Variants in IQSEC3 observed in about 807,000 individuals in gnomAD.
IQSEC3 encodes IQ motif and SEC7 domain-containing protein 3.
IQSEC3 carries 50 observed loss-of-function variants against 105.4 expected under a neutral mutation model. The ratio of observed to expected loss-of-function variants is 0.47; its 90% CI spans 0.38 to 0.60. The LOEUF (loss-of-function observed/expected upper bound fraction) is 0.60. IQSEC3 is among the 20% of genes least tolerant of loss of function. The pLI is 0.00. For missense variants in IQSEC3, 1,415 were observed against 1,630.0 expected (o/e 0.87, Z 2.27); for synonymous variants, 708 against 746.0 (o/e 0.95, Z 0.83).
chr12:88,143 A>C (rs1565386282), intron 1 of IQSEC3, among the ~76,000 whole-genome samples: 1 of 152,196 alleles, frequency 6.6e-6, no homozygotes, highest in Non-Finnish European at 1.5e-5. Context: ...TATTTTTTTC[A>C]AAATTAAACC....
intron 3 of IQSEC3, among the ~76,000 whole-genome samples, chr12:135,886 G>C (rs1290115098): frequency 6.6e-6 from 1 of 152,214 alleles, no homozygotes; most frequent in African/African-American, 2.4e-5. Flanking sequence ...TGATATCTTG[G>C]TTTCAGCCTG....
chr12:109,582 C>T (rs573168120), intron 2 of IQSEC3, among the ~76,000 whole-genome samples: 4 of 151,800 alleles, frequency 2.6e-5, no homozygotes, highest in Non-Finnish European at 4.4e-5. Flanking sequence ...CTCAGGCAGC[C>T]TGATCCTAAA....
Position 163,617 on chromosome 12 carries a change from G to A in IQSEC3, c.2707G>A (p.Val903Met). ...REVFLFNDLL[V>M]ILKLCPKKKS... is the part of the protein sequence containing the mutation. ...GGTGTTCCTCTTCAATGACCTGCTG[G>A]TGGTGAGTGGCCTCCGCTCCGGGAC... Residue 903 changes from valine to methionine, a missense_variant and splice_region_variant, in exon 9 of 14, where the codon GTG becomes ATG. Around this residue, in one of 6 missense-constraint regions of IQSEC3, gnomAD observed 419 missense variants for 436.2 expected, o/e 0.96. Coordinates refer to ENST00000538872, the MANE Select transcript of IQSEC3 (RefSeq NM_001170738.2). 1 of 1,462,624 alleles carries A rather than the reference G, an allele frequency of 6.8e-7. No individual in the cohort carries two copies. The highest frequency in any genetic ancestry group is 2.3e-5 in the East Asian group (1 of 44,126). 90.6% of individuals were successfully genotyped at this position (1,462,624 alleles called of 1,614,324 possible).
At chr12:136,688 A>T (rs1340517645) in intron 3 of IQSEC3, among the ~76,000 whole-genome samples, 2 of 152,110 alleles carry the variant, frequency 1.3e-5, no homozygotes, top group African/African-American at 4.8e-5. Context: ...TTCTTCGTTC[A>T]TTCGGGAAGG....
At chr12:72,227 G>C (rs1471757164) in intron 1 of IQSEC3, among the ~76,000 whole-genome samples, 2 of 152,074 alleles carry the variant, frequency 1.3e-5, no homozygotes, top group African/African-American at 2.4e-5. Context: ...AGTTGGTCCT[G>C]CTGATTCAGC....
intron 5 of IQSEC3, among the ~76,000 whole-genome samples, chr12:146,174 T>C (rs1555090973): frequency 6.6e-6 from 1 of 152,272 alleles, no homozygotes; most frequent in African/African-American, 2.4e-5. Context: ...TGGAAGGCTC[T>C]GGCCTTTCAT....
chr12:93,751 C>G (rs782196566), intron 1 of IQSEC3, among the ~76,000 whole-genome samples: 5 of 152,152 alleles, frequency 3.3e-5, no homozygotes, highest in Non-Finnish European at 7.3e-5. Flanking sequence ...GGGCCTAACT[C>G]GAGGTATCTG....
intron 3 of IQSEC3, among the ~76,000 whole-genome samples, chr12:133,888 G>A (rs371117335): frequency 6.6e-6 from 1 of 151,726 alleles, no homozygotes; most frequent in African/African-American, 2.4e-5. Context: ...CTAGGGCAGG[G>A]TTGGGTCAGT....
At chr12:91,184 G>T (rs535774651) in intron 1 of IQSEC3, among the ~76,000 whole-genome samples, 1 of 152,206 alleles carries the variant, frequency 6.6e-6, no homozygotes, top group Admixed American at 6.5e-5. Context: ...TCTCCTGCTG[G>T]GAGCACCTCC....
intron 7 of IQSEC3, among the ~76,000 whole-genome samples, chr12:159,773 C>T (rs546533247): frequency 1.3e-5 from 2 of 152,292 alleles, no homozygotes; most frequent in African/African-American, 2.4e-5. Flanking sequence ...TCATGTCCTC[C>T]GGTCATGGGA....
chr12:134,676 C>T lies in IQSEC3; in HGVS notation c.904-3591C>T, dbSNP rs181878564. Among the ~76,000 whole-genome samples the T allele has an allele frequency of 2.4e-4, 36 of 151,350 alleles. 1 individual carries two copies. Among genetic ancestry groups the T allele is most frequent in the Admixed American group, 1.4e-3 (22 of 15,208 alleles). ...TGGGAGGCCAAGGTGGGCGGATCAC[C>T]GAGGTGCCAGGAGTTCAGGTCCAGC... On this transcript the variant is annotated intron_variant, in intron 3 of 13. Transcript: ENST00000538872.
chr12:135,657 G>A (rs782367921), intron 3 of IQSEC3, among the ~76,000 whole-genome samples: 2 of 152,212 alleles, frequency 1.3e-5, no homozygotes, highest in Non-Finnish European at 2.9e-5. Context: ...AGCTAATCAG[G>A]TCAGCCCTAT....
intron 5 of IQSEC3, chr12:148,658 G>A (rs938027963): frequency 6.6e-6 from 1 of 152,178 alleles, no homozygotes; most frequent in Admixed American, 6.5e-5. Flanking sequence ...TATGAATTCT[G>A]ACGAATAAAA....
chr12:144,391 T>C, intron 5 of IQSEC3: 1 of 152,340 alleles, frequency 6.6e-6, no homozygotes, highest in Non-Finnish European at 1.5e-5. Context: ...CCTGGTGACA[T>C]TCAGCAAGCG....
chr12:164,437 C>T (rs1321333224), intron 9 of IQSEC3, among the ~76,000 whole-genome samples: 4 of 152,142 alleles, frequency 2.6e-5, no homozygotes, highest in African/African-American at 9.7e-5. Context: ...GCCCTCTCCT[C>T]AGCCCTGGGA....
At chr12:150,558 G>T (rs561541300) in intron 5 of IQSEC3, among the ~76,000 whole-genome samples, 1 of 152,174 alleles carries the variant, frequency 6.6e-6, no homozygotes. Context: ...GGGAGGGAGG[G>T]TGATGGAAGC....
chr12:128,461 T>C (rs1451052853), intron 3 of IQSEC3, among the ~76,000 whole-genome samples: 1 of 152,124 alleles, frequency 6.6e-6, no homozygotes, highest in Non-Finnish European at 1.5e-5. Context: ...ACACTTGATA[T>C]TCCAACCCAG....
chr12:105,580 T>G (rs1318407417), intron 2 of IQSEC3, among the ~76,000 whole-genome samples: 2 of 152,242 alleles, frequency 1.3e-5, no homozygotes, highest in Non-Finnish European at 2.9e-5. Context: ...TAGGGAACTG[T>G]GTGACCTGTC....
At chr12:80,926 A>G (rs1555070578) in intron 1 of IQSEC3, among the ~76,000 whole-genome samples, 1 of 152,198 alleles carries the variant, frequency 6.6e-6, no homozygotes, top group Non-Finnish European at 1.5e-5. Flanking sequence ...GGACCCTGCC[A>G]GGTTGTTCAA....
Sources: allele counts gnomAD v4.1 joint callset (sites outside exome capture counted in the v4.1 genomes callset), GRCh38; gene constraint gnomAD v4.1.1; regional missense constraint gnomAD v4.1.1; transcripts MANE v1.5; gene names NCBI Gene and HGNC (gene_info 2026-07-23, HGNC 2026-07-21).